Variants in CRACD observed in about 807,000 individuals in gnomAD.
CRACD encodes capping protein-inhibiting regulator of actin dynamics.
A neutral mutation model predicts 106.8 loss-of-function variants in CRACD; 56 were observed. The ratio of observed to expected loss-of-function variants is 0.52; its 90% confidence interval spans 0.42 to 0.66. The LOEUF (loss-of-function observed/expected upper bound fraction) is 0.66. CRACD is among the 30% of genes least tolerant of loss of function. The pLI is 0.00. For missense variants in CRACD, 1,730 were observed against 1,623.2 expected (o/e 1.07, Z -1.13); for synonymous variants, 754 against 670.8 (o/e 1.12, Z -1.92).
At position 56,328,885 on chromosome 4, in the gene CRACD, A is replaced by C. The variant is rs533309928; in HGVS notation, c.*1081A>C. Among the ~76,000 whole-genome samples the C allele has an allele frequency of 9.2e-5, 14 of 152,346 alleles. No individual in the cohort carries two copies. The East Asian group carries it at 2.7e-3, about 29-fold the overall frequency. ...AGAAGCAACAGGTTATTGACATTACATGTTTGAAAATTCCCTTTGGTCTTT... is the reference window on the plus strand; with the variant it reads ...AGAAGCAACAGGTTATTGACATTACCTGTTTGAAAATTCCCTTTGGTCTTT... On this transcript the variant is annotated 3_prime_UTR_variant, in exon 11 of 11. Coordinates refer to ENST00000682029, the MANE Select transcript of CRACD (RefSeq NM_001393381.1).
At chr4:56,101,980 C>A (rs868211981) in intron 1 of CRACD, among the ~76,000 whole-genome samples, 1 of 152,018 alleles carries the variant, frequency 6.6e-6, no homozygotes, top group Non-Finnish European at 1.5e-5. Flanking sequence ...TACTACATTT[C>A]TTTAATCTCT....
chr4:56,172,020 C>CTTTTTTTTTTTTTTTTTTTT (rs35574683), intron 1 of CRACD, among the ~76,000 whole-genome samples: 5 of 106,370 alleles, frequency 4.7e-5, no homozygotes, highest in Admixed American at 1.2e-4. Context: ...GAGGGTTTCT[C>CTTTTTTTTTTTTTTTTTTTT]TTTTTTTTTT....
chr4:56,119,118 A>G (rs1294446537), intron 1 of CRACD, among the ~76,000 whole-genome samples: 1 of 152,188 alleles, frequency 6.6e-6, no homozygotes, highest in African/African-American at 2.4e-5. Context: ...CAGACATTGT[A>G]CTAAGCATTT....
At chr4:56,280,789 A>G (rs889500379) in intron 3 of CRACD, among the ~76,000 whole-genome samples, 4 of 152,198 alleles carry the variant, frequency 2.6e-5, no homozygotes, top group Non-Finnish European at 2.9e-5. Flanking sequence ...AGTTGGTGCC[A>G]TGAGACTTCA....
chr4:56,143,451 C>T (rs891806767), intron 1 of CRACD, among the ~76,000 whole-genome samples: 1 of 151,964 alleles, frequency 6.6e-6, no homozygotes, highest in Non-Finnish European at 1.5e-5. Flanking sequence ...TCCTTGTTTT[C>T]CTTCTGTCGA....
chr4:56,251,320 A>G (rs1214400094), intron 2 of CRACD, among the ~76,000 whole-genome samples: 1 of 152,220 alleles, frequency 6.6e-6, no homozygotes, highest in Non-Finnish European at 1.5e-5. Flanking sequence ...GGTCTCACGT[A>G]GAAATCAAAT....
intron 2 of CRACD, among the ~76,000 whole-genome samples, chr4:56,187,734 A>G (rs570166686): frequency 6.6e-6 from 1 of 152,006 alleles, no homozygotes; most frequent in East Asian, 1.9e-4. Context: ...CGTTCCCATG[A>G]TCCTTTCATC....
chr4:56,160,322 A>T (rs1735909052), intron 1 of CRACD, among the ~76,000 whole-genome samples: 1 of 151,666 alleles, frequency 6.6e-6, no homozygotes, highest in African/African-American at 2.4e-5. Flanking sequence ...AGCTTGAATT[A>T]CAGGCATGTG....
intron 2 of CRACD, among the ~76,000 whole-genome samples, chr4:56,237,230 T>C (rs1740031372): frequency 6.6e-6 from 1 of 152,096 alleles, no homozygotes; most frequent in Admixed American, 6.6e-5. Context: ...ATATATATAA[T>C]AAAATGAAGA....
intron 2 of CRACD, among the ~76,000 whole-genome samples, chr4:56,245,433 A>G (rs1740628103): frequency 6.6e-6 from 1 of 152,230 alleles, no homozygotes; most frequent in Non-Finnish European, 1.5e-5. Flanking sequence ...ACTAAACAAC[A>G]ATAACCGAAA....
Position 56,324,175 on chromosome 4 carries a change from G to C in CRACD, c.3450G>C (p.Leu1150=). ...RAGSLHKSTA[L]PEEKRPETAV... is the part of the protein sequence containing the mutation. ...GTTCCCTGCACAAGTCCACTGCTCT[G>C]CCAGAAGAGAAGAGGCCCGAGACTG... The change falls in exon 10 of 11, where the codon CTG becomes CTC. Residue 1150 remains leucine, a synonymous_variant. Transcript: ENST00000682029. The C allele has an allele frequency of 6.2e-7, 1 of 1,614,202 alleles. No individual in the cohort carries two copies. Among genetic ancestry groups the C allele is most frequent in the Non-Finnish European group, 8.5e-7 (1 of 1,179,990 alleles).
In CRACD at chr4:56,057,964, G is replaced by A. The variant is rs779285397; in HGVS notation, c.-336+8665G>A. ...CTCCCGAGTAGCTGGGACTACAGGC[G>A]CCCGCTACCACGCCCAGCTAATTTT... is the stretch of plus-strand genomic sequence containing the variant. On this transcript the variant is annotated intron_variant, in intron 1 of 10. Coordinates refer to ENST00000682029, the MANE Select transcript of CRACD (RefSeq NM_001393381.1). 9.9e-5 allele frequency among the ~76,000 whole-genome samples: 12 copies of A among 120,638 alleles called. 1 individual carries two copies. In the East Asian group the frequency reaches 1.8e-3, roughly 18 times the overall value. 79.1% of individuals were successfully genotyped at this position (120,638 alleles called of 152,430 possible).
At chr4:56,108,501 C>T (rs1015342121) in intron 1 of CRACD, among the ~76,000 whole-genome samples, 9 of 152,174 alleles carry the variant, frequency 5.9e-5, no homozygotes, top group South Asian at 2.1e-4. Context: ...TCCCCGTGTG[C>T]GGAGACGAGA....
intron 1 of CRACD, among the ~76,000 whole-genome samples, chr4:56,160,427 G>C (rs1735912708): frequency 6.6e-6 from 1 of 151,950 alleles, no homozygotes; most frequent in South Asian, 2.1e-4. Context: ...CAAACAGTCT[G>C]CCCGCCTCAG....
chr4:56,240,166 A>G lies in CRACD; in HGVS notation c.-188-32155A>G, dbSNP rs1398674729. ...TACTTTTCCTTGTCCCAAAAGGCAT[A>G]TGAAATGGGTTATAATAAATGGCAT... is the stretch of plus-strand genomic sequence containing the variant. On this transcript the variant is annotated intron_variant, in intron 2 of 10. Transcript: ENST00000682029. 2.0e-5 allele frequency among the ~76,000 whole-genome samples: 3 copies of G among 152,298 alleles called. No individual in the cohort carries two copies. The East Asian group carries it at 5.8e-4, about 29-fold the overall frequency.
At chr4:56,151,536 G>T (rs1420471511) in intron 1 of CRACD, among the ~76,000 whole-genome samples, 1 of 151,798 alleles carries the variant, frequency 6.6e-6, no homozygotes, top group African/African-American at 2.4e-5. Context: ...TATGAATGAG[G>T]ATATTCTCCT....
At chr4:56,071,548 C>T (rs1180263406) in intron 1 of CRACD, among the ~76,000 whole-genome samples, 3 of 151,246 alleles carry the variant, frequency 2.0e-5, no homozygotes, top group South Asian at 4.2e-4. Flanking sequence ...ACTCTGTTGC[C>T]CAGGCTGGAG....
intron 1 of CRACD, among the ~76,000 whole-genome samples, chr4:56,060,480 A>T (rs1179362091): frequency 6.6e-6 from 1 of 152,014 alleles, no homozygotes; most frequent in Admixed American, 6.6e-5. Context: ...AATGTAACAG[A>T]TGGAGGCAGG....
chr4:56,305,204 G>C (rs574300676), intron 4 of CRACD, among the ~76,000 whole-genome samples: 1 of 152,300 alleles, frequency 6.6e-6, no homozygotes, highest in South Asian at 2.1e-4. Context: ...CTGTGCGACA[G>C]AAAGAGACCC....
Sources: allele counts gnomAD v4.1 joint callset (sites outside exome capture counted in the v4.1 genomes callset), GRCh38; gene constraint gnomAD v4.1.1; transcripts MANE v1.5; gene names NCBI Gene and HGNC (gene_info 2026-07-23, HGNC 2026-07-21).